The following ARHGEF28 variants were observed in gnomAD, a reference collection of about 807,000 sequenced individuals.
ARHGEF28 encodes the protein 190 kDa guanine nucleotide exchange factor.
ARHGEF28 carries 152 observed loss-of-function variants against 206.6 expected under a neutral mutation model. The ratio of observed to expected loss-of-function variants is 0.74; its 90% CI spans 0.64 to 0.84. ARHGEF28 has a LOEUF of 0.84. Ranked by LOEUF, ARHGEF28 falls within the 40% of genes least tolerant of loss-of-function variation. The pLI is 0.00. For missense variants in ARHGEF28, 2,028 were observed against 2,073.2 expected (o/e 0.98, Z 0.42); for synonymous variants, 763 against 776.4 (o/e 0.98, Z 0.29).
intron 12 of ARHGEF28, among the ~76,000 whole-genome samples, chr5:73,847,168 A>G (rs376012369): frequency 1.7e-3 from 264 of 152,174 alleles, no homozygotes; most frequent in South Asian, 0.015. Context: ...AAGTTTACTT[A>G]TTACTATAAA....
intron 1 of ARHGEF28, among the ~76,000 whole-genome samples, chr5:73,648,804 A>G (rs1378788038): frequency 6.6e-6 from 1 of 152,264 alleles, no homozygotes; most frequent in East Asian, 1.9e-4. Flanking sequence ...CTCTTCATTA[A>G]CAGCTTCCCA....
At chr5:73,799,241 G>A (rs1354979068) in intron 9 of ARHGEF28, among the ~76,000 whole-genome samples, 2 of 152,206 alleles carry the variant, frequency 1.3e-5, no homozygotes, top group Admixed American at 6.5e-5. Context: ...TGGACAGCCT[G>A]TGGGAAATGG....
intron 2 of ARHGEF28, among the ~76,000 whole-genome samples, chr5:73,731,011 T>TAAAA (rs10699304): frequency 0.054 from 7,692 of 142,272 alleles, 451 homozygotes; most frequent in African/African-American, 0.15. Context: ...GCCTTTAAGC[T>TAAAA]AAAAAAAAAA....
chr5:73,749,362 G>A (rs1323395476), intron 2 of ARHGEF28, among the ~76,000 whole-genome samples: 1 of 152,168 alleles, frequency 6.6e-6, no homozygotes, highest in Non-Finnish European at 1.5e-5. Context: ...ATGTTCAGCT[G>A]GTAGAAATTC....
At chr5:73,727,813 T>A (rs752300970) in intron 2 of ARHGEF28, among the ~76,000 whole-genome samples, 4 of 152,166 alleles carry the variant, frequency 2.6e-5, no homozygotes, top group Non-Finnish European at 5.9e-5. Context: ...TTGAACAGAA[T>A]CCCTCAGCAG....
At chr5:73,837,328 C>T (rs1757705539) in intron 10 of ARHGEF28, among the ~76,000 whole-genome samples, 1 of 152,088 alleles carries the variant, frequency 6.6e-6, no homozygotes, top group Non-Finnish European at 1.5e-5. Flanking sequence ...TTCTTCTAAT[C>T]CATGAACATA....
chr5:73,893,476 C>T, intron 28 of ARHGEF28, 188 bp downstream of exon 28: 1 of 430,900 alleles, frequency 2.3e-6, no homozygotes, highest in Non-Finnish European at 4.1e-6. Context: ...TCACTTCCAC[C>T]TTAGTGATTA....
chr5:73,638,497 A>G (rs1743863442), intron 1 of ARHGEF28, among the ~76,000 whole-genome samples: 1 of 152,216 alleles, frequency 6.6e-6, no homozygotes. Flanking sequence ...CCTCTAGTCC[A>G]GGGCCAAGTA....
intron 4 of ARHGEF28, among the ~76,000 whole-genome samples, chr5:73,763,885 G>A (rs1191403334): frequency 2.0e-5 from 3 of 152,164 alleles, no homozygotes; most frequent in East Asian, 1.9e-4. Context: ...TACAGTGCAC[G>A]GTAAGCAGGC....
At position 73,753,040 on chromosome 5, in the gene ARHGEF28, A is replaced by G. The variant is rs1218395526; in HGVS notation, c.313A>G (p.Thr105Ala). The change falls in exon 4 of 36, where the codon ACG becomes GCG. Residue 105 changes from threonine to alanine, a missense_variant. Thr to Ala is a moderately conservative substitution (Grantham distance 58). This residue lies in a region of ARHGEF28 where 1,002 missense variants were observed against 1,015.3 expected (regional missense o/e 0.99). Transcript: ENST00000513042. ...TTGCAGGCTGGCTCGTCTGCTGGTG[A>G]CGCAGGCCAATCGCCTCACAGCCTG... ...MACRLARLLV[T>A]QANRLTACSH... The G allele has an allele frequency of 6.2e-6, 10 of 1,609,944 alleles. No individual in the cohort carries two copies. Among genetic ancestry groups the G allele is most frequent in the Non-Finnish European group, 8.5e-7 (1 of 1,178,346 alleles).
At chr5:73,939,172 T>C (rs1475064309) in intron 35 of ARHGEF28, among the ~76,000 whole-genome samples, 2 of 152,070 alleles carry the variant, frequency 1.3e-5, no homozygotes. Context: ...AGCTGCATGA[T>C]GTGGGTCAGA....
intron 9 of ARHGEF28, among the ~76,000 whole-genome samples, chr5:73,802,065 A>G (rs1351348781): frequency 6.6e-6 from 1 of 152,214 alleles, no homozygotes; most frequent in East Asian, 1.9e-4. Context: ...ACTGATTACA[A>G]AAGGTATTAA....
chr5:73,835,785 T>C (rs1384697057), intron 10 of ARHGEF28, among the ~76,000 whole-genome samples: 1 of 152,136 alleles, frequency 6.6e-6, no homozygotes, highest in African/African-American at 2.4e-5. Flanking sequence ...GTGGTTGTCA[T>C]TGGAAGTAGT....
chr5:73,652,605 G>A (rs1465792906), intron 1 of ARHGEF28, among the ~76,000 whole-genome samples: 1 of 152,206 alleles, frequency 6.6e-6, no homozygotes, highest in African/African-American at 2.4e-5. Context: ...GTTTATGAGT[G>A]ACATGAGGAA....
intron 2 of ARHGEF28, among the ~76,000 whole-genome samples, chr5:73,737,330 A>T (rs931579771): frequency 6.7e-6 from 1 of 149,516 alleles, no homozygotes; most frequent in African/African-American, 2.5e-5. Context: ...TCCTATTTCA[A>T]CTAAGCTCCA....
At chr5:73,772,721 G>A (rs568506618) in intron 4 of ARHGEF28, among the ~76,000 whole-genome samples, 8 of 152,124 alleles carry the variant, frequency 5.3e-5, no homozygotes, top group Non-Finnish European at 1.2e-4. Flanking sequence ...GGTGGGGCAT[G>A]TTGGACAGGA....
intron 35 of ARHGEF28, among the ~76,000 whole-genome samples, chr5:73,921,269 C>A (rs1364425356): frequency 1.3e-5 from 2 of 152,144 alleles, no homozygotes; most frequent in South Asian, 4.1e-4. Flanking sequence ...TGCTTTACCC[C>A]ATACTGACTG....
intron 22 of ARHGEF28, among the ~76,000 whole-genome samples, chr5:73,881,498 A>G (rs910066888): frequency 6.6e-6 from 1 of 152,142 alleles, no homozygotes; most frequent in Non-Finnish European, 1.5e-5. Context: ...ACTATGAGTC[A>G]TATATGTGTT....
At chr5:73,876,674 A>C (rs1244250136) in intron 22 of ARHGEF28, among the ~76,000 whole-genome samples, 2 of 150,942 alleles carry the variant, frequency 1.3e-5, no homozygotes, top group East Asian at 3.9e-4. Context: ...ATCTATTGAG[A>C]TAATCGTGTG....
Sources: gnomAD v4.1 joint callset for allele counts (sites outside exome capture counted in the v4.1 genomes callset) on GRCh38, gnomAD v4.1.1 for gene constraint, gnomAD v4.1.1 regional missense constraint, MANE v1.5 for transcripts, NCBI Gene and HGNC (gene_info 2026-07-23, HGNC 2026-07-21) for gene names.